The following OCA2 variants were observed in gnomAD, a reference collection of about 807,000 sequenced individuals.
OCA2 encodes the protein P protein.
In OCA2, 77 loss-of-function variants were observed where a neutral mutation model predicts 100.2. The ratio of observed to expected loss-of-function variants is 0.77; its 90% CI spans 0.64 to 0.93. The LOEUF (loss-of-function observed/expected upper bound fraction) is 0.93, where lower values mean the gene tolerates loss of function less well. Among genes scored for constraint, OCA2 ranks in the 40% least tolerant of loss-of-function variants. The probability of loss-of-function intolerance (pLI) is 0.00; values close to 1 mark genes in which losing one functional copy is unlikely to be tolerated. For synonymous variants in OCA2, 432 were observed against 439.2 expected, an observed-to-expected ratio of 0.98 and a Z score of 0.21; for missense variants, 1,062 against 1,089.1, an observed-to-expected ratio of 0.98 and a Z score of 0.35.
rs147416957 is a variant in OCA2 at position 27,942,316 on chromosome 15, A to G, written c.1951+9468T>C. ...TAGAAAACATATATATGAATATCATACAGCCAAATGAAATGAAGCACTAAT... is the reference window on the plus strand; with the variant it reads ...TAGAAAACATATATATGAATATCATGCAGCCAAATGAAATGAAGCACTAAT... On this transcript the variant is annotated intron_variant, in intron 18 of 23. Coordinates refer to ENST00000354638, the MANE Select transcript of OCA2 (RefSeq NM_000275.3). 4.8e-3 allele frequency among the ~76,000 whole-genome samples: 720 copies of G among 151,312 alleles called. 4 individuals are homozygous for G. Among genetic ancestry groups the G allele is most frequent in the African/African-American group, 0.016 (678 of 41,420 alleles).
At chr15:27,991,778 G>A (rs1309930292) in intron 9 of OCA2, among the ~76,000 whole-genome samples, 2 of 151,964 alleles carry the variant, frequency 1.3e-5, no homozygotes, top group East Asian at 1.9e-4. Flanking sequence ...AAAATTAAAC[G>A]CTAGCATGCA....
intron 1 of OCA2, among the ~76,000 whole-genome samples, chr15:28,085,974 A>G (rs1256563414): frequency 6.6e-6 from 1 of 152,144 alleles, no homozygotes; most frequent in Non-Finnish European, 1.5e-5. Flanking sequence ...CAGGAGAGCA[A>G]AGGCTGAGTG....
chr15:27,845,371 C>A (rs967539732), intron 22 of OCA2, among the ~76,000 whole-genome samples: 40 of 152,240 alleles, frequency 2.6e-4, no homozygotes, highest in African/African-American at 8.2e-4. Context: ...GTGGGGCCAA[C>A]AACCAAAGCC....
the OCA2 span, among the ~76,000 whole-genome samples, chr15:27,733,098 G>A: frequency 1.4e-4 from 22 of 152,280 alleles, no homozygotes; most frequent in African/African-American, 5.3e-4. Flanking sequence ...ACGAATGCCT[G>A]CATTCTTTTG....
chr15:27,764,198 G>A (rs985455968), intron 23 of OCA2, among the ~76,000 whole-genome samples: 8 of 151,570 alleles, frequency 5.3e-5, no homozygotes, highest in African/African-American at 1.9e-4. Flanking sequence ...GAGGGACAGA[G>A]GCAAGGAGAG....
At chr15:27,976,697 A>G (rs900942380) in intron 14 of OCA2, among the ~76,000 whole-genome samples, 3 of 152,198 alleles carry the variant, frequency 2.0e-5, no homozygotes, top group Non-Finnish European at 2.9e-5. Flanking sequence ...ATATTTATCT[A>G]TAGTTGCCTT....
At chr15:27,977,542 GC>G (rs1191024378) in intron 14 of OCA2, among the ~76,000 whole-genome samples, 3 of 152,078 alleles carry the variant, frequency 2.0e-5, no homozygotes, top group African/African-American at 7.2e-5. Flanking sequence ...ACTATATATG[GC>G]CTTTTAAGAA....
In OCA2 at chr15:27,924,508, G is replaced by A. The variant is rs376853170; in HGVS notation, c.2079+1619C>T. Among the ~76,000 whole-genome samples, 10 of 151,864 alleles carry A rather than the reference G, an allele frequency of 6.6e-5. No homozygotes were observed. The South Asian group carries it at 1.2e-3, about 19-fold the overall frequency. On this transcript the variant is annotated intron_variant, in intron 19 of 23. Coordinates refer to ENST00000354638, the MANE Select transcript of OCA2 (RefSeq NM_000275.3). ...CATATAACGTAGAAGTACAACATACGTGACCATCAAAGCACAAACAAGGGA... is the reference window on the plus strand; with the variant it reads ...CATATAACGTAGAAGTACAACATACATGACCATCAAAGCACAAACAAGGGA...
intron 2 of OCA2, among the ~76,000 whole-genome samples, chr15:28,034,323 A>G (rs2042988568): frequency 2.0e-5 from 3 of 152,180 alleles, no homozygotes. Context: ...TTCTTACATT[A>G]ACTAAGGAGA....
At chr15:27,997,240 G>GGAAAGAAAGAAAGAAA (rs35919216) in intron 9 of OCA2, among the ~76,000 whole-genome samples, 16 of 145,550 alleles carry the variant, frequency 1.1e-4, no homozygotes, top group African/African-American at 4.0e-4. Flanking sequence ...GAAGGAAGGA[G>GGAAAGAAAGAAAGAAA]GAAAGAAAGA....
chr15:27,740,859 C>T, the OCA2 span, among the ~76,000 whole-genome samples: 1 of 152,214 alleles, frequency 6.6e-6, no homozygotes, highest in African/African-American at 2.4e-5. Context: ...AGCTCCCATG[C>T]TTGTCTCACG....
chr15:27,898,404 A>G (rs902485282), intron 19 of OCA2, among the ~76,000 whole-genome samples: 10 of 152,210 alleles, frequency 6.6e-5, no homozygotes, highest in Non-Finnish European at 1.0e-4. Context: ...ATAGTGAATG[A>G]ATTTCAGAAT....
intron 2 of OCA2, among the ~76,000 whole-genome samples, chr15:28,041,910 T>C (rs542421148): frequency 1.3e-5 from 2 of 151,824 alleles, no homozygotes; most frequent in South Asian, 4.2e-4. Context: ...ATAGAAAGAG[T>C]GAATGTGCAT....
chr15:27,816,033 C>G (rs1304140022), intron 23 of OCA2, among the ~76,000 whole-genome samples: 2 of 152,308 alleles, frequency 1.3e-5, no homozygotes, highest in Admixed American at 6.5e-5. Flanking sequence ...ACTCAGGAGG[C>G]TGAGGCAGGG....
intron 23 of OCA2, among the ~76,000 whole-genome samples, chr15:27,778,430 G>A (rs989436689): frequency 1.3e-5 from 2 of 152,226 alleles, no homozygotes; most frequent in Non-Finnish European, 2.9e-5. Flanking sequence ...GTCACTCCGA[G>A]AGGAGGTTTG....
the OCA2 span, among the ~76,000 whole-genome samples, chr15:27,719,517 C>T: frequency 2.0e-5 from 3 of 152,150 alleles, no homozygotes; most frequent in African/African-American, 4.8e-5. Flanking sequence ...CATACATGCA[C>T]GTACATGTAG....
intron 15 of OCA2, among the ~76,000 whole-genome samples, chr15:27,965,174 G>A (rs894984434): frequency 2.6e-5 from 4 of 152,136 alleles, no homozygotes; most frequent in Non-Finnish European, 5.9e-5. Context: ...CTAAGACACA[G>A]CTGTGCACAC....
At chr15:27,914,452 C>T (rs570150058) in intron 19 of OCA2, among the ~76,000 whole-genome samples, 3 of 152,012 alleles carry the variant, frequency 2.0e-5, no homozygotes, top group African/African-American at 7.2e-5. Flanking sequence ...TGGTTTTATA[C>T]CTAGAAAACC....
chr15:28,074,673 C>CA (rs1172821817), intron 2 of OCA2, among the ~76,000 whole-genome samples: 8,973 of 65,092 alleles, frequency 0.14, 669 homozygotes, highest in African/African-American at 0.2. Flanking sequence ...GACTCCGTCT[C>CA]AAAAAAAAAA....
Sources: allele counts gnomAD v4.1 joint callset (sites outside exome capture counted in the v4.1 genomes callset), GRCh38; gene constraint gnomAD v4.1.1; transcripts MANE v1.5; gene names NCBI Gene and HGNC (gene_info 2026-07-23, HGNC 2026-07-21).